TNFSF4: variants seen among roughly 807,000 people sequenced by gnomAD.
The protein encoded by TNFSF4 is TNF superfamily member 4.
TNFSF4 carries 4 observed loss-of-function variants against 7.3 expected under a neutral mutation model. The ratio of observed to expected loss-of-function variants is 0.55; its 90% confidence interval spans 0.27 to 1.25. The LOEUF is 1.25. Among genes scored for constraint, TNFSF4 ranks in the 50% most tolerant of loss-of-function variants. The probability of loss-of-function intolerance (pLI) is 0.12; values close to 1 mark genes in which losing one functional copy is unlikely to be tolerated. For synonymous variants in TNFSF4, 76 were observed against 83.7 expected (o/e 0.91, Z 0.50); for missense variants, 181 against 208.8 (o/e 0.87, Z 0.82).
the TNFSF4 span, among the ~76,000 whole-genome samples, chr1:173,261,779 G>A: frequency 6.6e-6 from 1 of 151,946 alleles, no homozygotes; most frequent in African/African-American, 2.4e-5. Flanking sequence ...ACTGAACCAG[G>A]AAGAAGTTGA....
the TNFSF4 span, among the ~76,000 whole-genome samples, chr1:173,439,322 T>C: frequency 1.4e-4 from 22 of 152,242 alleles, no homozygotes; most frequent in African/African-American, 5.1e-4. Flanking sequence ...TGTTCTGCTA[T>C]TTACTACCTA....
At chr1:173,205,458 C>T (rs1650147451) in intron 1 of TNFSF4, 7 of 1,543,946 alleles carry the variant, frequency 4.5e-6, no homozygotes, top group African/African-American at 1.4e-5. Context: ...TGACCCCAAC[C>T]ACCAGCAAGC....
chr1:173,240,663 C>T, the TNFSF4 span, among the ~76,000 whole-genome samples: 1 of 152,172 alleles, frequency 6.6e-6, no homozygotes, highest in African/African-American at 2.4e-5. Flanking sequence ...CCCTCATAAA[C>T]ATTTCCTTGA....
the TNFSF4 span, among the ~76,000 whole-genome samples, chr1:173,276,904 A>G: frequency 6.6e-6 from 1 of 152,124 alleles, no homozygotes; most frequent in African/African-American, 2.4e-5. Context: ...TCTAACTAAC[A>G]GTGATGCTGT....
chr1:173,382,899 C>CAT, the TNFSF4 span, among the ~76,000 whole-genome samples: 1 of 151,774 alleles, frequency 6.6e-6, no homozygotes, highest in African/African-American at 2.4e-5. Flanking sequence ...CACACACACA[C>CAT]ACACACACAC....
chr1:173,245,965 A>AT, the TNFSF4 span, among the ~76,000 whole-genome samples: 5 of 151,906 alleles, frequency 3.3e-5, no homozygotes, highest in Non-Finnish European at 5.9e-5. Context: ...TTTGTACTAC[A>AT]TTTTTTTTAC....
At chr1:173,231,736 A>G in the TNFSF4 span, among the ~76,000 whole-genome samples, 1 of 152,204 alleles carries the variant, frequency 6.6e-6, no homozygotes, top group Non-Finnish European at 1.5e-5. Context: ...CCCAAAATCT[A>G]CTTAGGCTGA....
At chr1:173,180,975 T>A (rs1042665957), downstream of TNFSF4, among the ~76,000 whole-genome samples, 6 of 152,146 alleles carry the variant, frequency 3.9e-5, no homozygotes, top group African/African-American at 1.4e-4. Context: ...GCAGAAAAAA[T>A]TTATTTCAAA....
the TNFSF4 span, among the ~76,000 whole-genome samples, chr1:173,175,942 T>G: frequency 4.6e-5 from 7 of 152,078 alleles, no homozygotes; most frequent in African/African-American, 1.4e-4. Context: ...TGGTTTTTTG[T>G]TTTTTTGTGT....
chr1:173,321,208 G>C, the TNFSF4 span, among the ~76,000 whole-genome samples: 1 of 152,056 alleles, frequency 6.6e-6, no homozygotes. Flanking sequence ...TGACAAACCT[G>C]TCAGAAACAA....
At chr1:173,222,118 A>T in the TNFSF4 span, among the ~76,000 whole-genome samples, 1 of 152,044 alleles carries the variant, frequency 6.6e-6, no homozygotes, top group Non-Finnish European at 1.5e-5. Flanking sequence ...CTCATCAAGG[A>T]GGTATATTTT....
At chr1:173,413,982 C>G in the TNFSF4 span, among the ~76,000 whole-genome samples, 1 of 152,150 alleles carries the variant, frequency 6.6e-6, no homozygotes, top group African/African-American at 2.4e-5. Flanking sequence ...GCAAAAGACC[C>G]TTAACACCCT....
the TNFSF4 span, among the ~76,000 whole-genome samples, chr1:173,250,543 T>TC: frequency 1.3e-5 from 2 of 151,480 alleles, no homozygotes; most frequent in Non-Finnish European, 2.9e-5. Context: ...CACTGCAAGC[T>TC]CCGCCTCCCG....
intron 1 of TNFSF4, among the ~76,000 whole-genome samples, chr1:173,203,465 C>T (rs560803977): frequency 6.4e-4 from 97 of 152,198 alleles, no homozygotes; most frequent in African/African-American, 2.2e-3. Context: ...AAAAGAACTT[C>T]TAAAAACTTT....
chr1:173,439,555 G>A, the TNFSF4 span, among the ~76,000 whole-genome samples: 1 of 152,162 alleles, frequency 6.6e-6, no homozygotes, highest in African/African-American at 2.4e-5. Context: ...GGCAGCCTGT[G>A]GCCTCAATCC....
the TNFSF4 span, among the ~76,000 whole-genome samples, chr1:173,307,203 CA>C: frequency 2.6e-5 from 4 of 151,700 alleles, no homozygotes; most frequent in Non-Finnish European, 5.9e-5. Context: ...AAAAAAATAA[CA>C]GTAAGGTAAG....
chr1:173,226,500 G>C, the TNFSF4 span, among the ~76,000 whole-genome samples: 1 of 152,208 alleles, frequency 6.6e-6, no homozygotes. Context: ...GTGGACCCAT[G>C]ATTGACCTCA....
chr1:173,446,841 C>T, the TNFSF4 span, among the ~76,000 whole-genome samples: 1 of 152,206 alleles, frequency 6.6e-6, no homozygotes, highest in Non-Finnish European at 1.5e-5. Context: ...GCACTGTTGG[C>T]TTCCCTACTT....
the TNFSF4 span, among the ~76,000 whole-genome samples, chr1:173,382,292 C>T: frequency 1.3e-5 from 2 of 152,012 alleles, no homozygotes; most frequent in Non-Finnish European, 2.9e-5. Context: ...CAAGCTAGAC[C>T]ACGAACCCAC....
Sources: allele counts gnomAD v4.1 joint callset (sites outside exome capture counted in the v4.1 genomes callset), GRCh38; gene constraint gnomAD v4.1.1; transcripts MANE v1.5; gene names NCBI Gene and HGNC (gene_info 2026-07-23, HGNC 2026-07-21).